The following FAM169A variants were observed in gnomAD, a reference collection of about 807,000 sequenced individuals.
The protein encoded by FAM169A is family with sequence similarity 169 member A, also known as soluble lamin-associated protein of 75 kDa.
A neutral mutation model predicts 75.7 loss-of-function variants in FAM169A; 24 were observed. The ratio of observed to expected loss-of-function variants is 0.32; its 90% confidence interval spans 0.23 to 0.45. The LOEUF is 0.45. Ranked by LOEUF, FAM169A falls within the 20% of genes least tolerant of loss-of-function variation. FAM169A has a pLI of 1.00. For missense variants in FAM169A, 673 were observed against 784.0 expected, an observed-to-expected ratio of 0.86 and a Z score of 1.69; for synonymous variants, 271 against 271.0, an observed-to-expected ratio of 1.00 and a Z score of 0.00.
chr5:74,813,391 A>T (rs1224124241), intron 6 of FAM169A, among the ~76,000 whole-genome samples: 1 of 151,856 alleles, frequency 6.6e-6, no homozygotes, highest in Non-Finnish European at 1.5e-5. Flanking sequence ...CAGTGGCATG[A>T]TCTTGGCTCA....
chr5:74,778,786 CCCTT>C lies in FAM169A; in HGVS notation c.*2670_*2673del, dbSNP rs774984740. The C allele has an allele frequency of 2.0e-5, 3 of 152,030 alleles. No individual in the cohort carries two copies. Among genetic ancestry groups the C allele is most frequent in the Non-Finnish European group, 2.9e-5 (2 of 67,904 alleles). The allele number at this position is 152,030 out of a possible 1,614,324, so 9.4% of individuals were successfully genotyped here. On this transcript the variant is annotated 3_prime_UTR_variant, in exon 13 of 13. Transcript: ENST00000687041. ...CACGTATGTACATAAAAAGTGAACTCCCTTCACAAATAAGTTCACAAAGGACTAT... is the reference window on the plus strand; with the variant it reads ...CACGTATGTACATAAAAAGTGAACTCCACAAATAAGTTCACAAAGGACTAT...
At chr5:74,832,383 A>G (rs1049166326) in intron 5 of FAM169A, among the ~76,000 whole-genome samples, 2 of 151,914 alleles carry the variant, frequency 1.3e-5, no homozygotes, top group African/African-American at 4.8e-5. Context: ...TTGTACTGTA[A>G]GAGAATTTGA....
At chr5:74,821,890 C>T (rs1028382426) in intron 5 of FAM169A, among the ~76,000 whole-genome samples, 1 of 152,220 alleles carries the variant, frequency 6.6e-6, no homozygotes, top group African/African-American at 2.4e-5. Flanking sequence ...GGCCTCACTC[C>T]TACAGTGGGA....
At chr5:74,859,581 C>T (rs1749929522) in intron 1 of FAM169A, among the ~76,000 whole-genome samples, 2 of 152,130 alleles carry the variant, frequency 1.3e-5, no homozygotes, top group Non-Finnish European at 2.9e-5. Flanking sequence ...AGCCACCACG[C>T]CCGGCGAAGG....
chr5:74,781,409 A>G lies in FAM169A; in HGVS notation c.*51T>C. 1 of 1,534,132 alleles carries G rather than the reference A, an allele frequency of 6.5e-7. No homozygotes were observed. The highest frequency in any genetic ancestry group is 1.2e-5 in the South Asian group (1 of 82,210). On this transcript the variant is annotated 3_prime_UTR_variant, in exon 13 of 13. Coordinates refer to ENST00000687041, the MANE Select transcript of FAM169A (RefSeq NM_001376049.1). ...GTTTATTAATTACCATATTTTAAAA[A>G]CAACAACTATGTTACAAAGAAGAGG... is the stretch of plus-strand genomic sequence containing the variant.
chr5:74,852,983 A>G (rs1381958256), intron 1 of FAM169A, among the ~76,000 whole-genome samples: 1 of 152,220 alleles, frequency 6.6e-6, no homozygotes, highest in African/African-American at 2.4e-5. Flanking sequence ...ATAACAATAC[A>G]TAATACATAA....
At position 74,799,007 on chromosome 5, in the gene FAM169A, A is replaced by G. The variant is rs995454319; in HGVS notation, c.1103+1873T>C. The G allele has an allele frequency of 6.7e-6, 8 of 1,190,338 alleles. No homozygotes were observed. In the African/African-American group the frequency reaches 1.2e-4, roughly 18 times the overall value. 73.7% of individuals were successfully genotyped at this position (1,190,338 alleles called of 1,614,324 possible). A position where few individuals can be genotyped will look rare whatever the true frequency, so the allele number is the denominator to read the frequency against. On this transcript the variant is annotated intron_variant, in intron 10 of 12. Coordinates refer to ENST00000687041, the MANE Select transcript of FAM169A (RefSeq NM_001376049.1). ...ACACTAAGAATAATGTCACTGCATCAGTTTTTACTAGAGCCAATCAACTGT... is the reference window on the plus strand; with the variant it reads ...ACACTAAGAATAATGTCACTGCATCGGTTTTTACTAGAGCCAATCAACTGT...
chr5:74,802,598 C>T (rs955089314), intron 8 of FAM169A, among the ~76,000 whole-genome samples: 1 of 152,052 alleles, frequency 6.6e-6, no homozygotes, highest in African/African-American at 2.4e-5. Flanking sequence ...CAATTACTTG[C>T]TATAATAAAG....
At chr5:74,817,019 C>T (rs971217433) in intron 5 of FAM169A, among the ~76,000 whole-genome samples, 1 of 151,946 alleles carries the variant, frequency 6.6e-6, no homozygotes, top group Admixed American at 6.5e-5. Flanking sequence ...TGACAAAACC[C>T]AACCTTTCAT....
At chr5:74,848,924 A>C (rs1749301008) in intron 1 of FAM169A, 1 of 152,128 alleles carries the variant, frequency 6.6e-6, no homozygotes, top group African/African-American at 2.4e-5. Flanking sequence ...TGTAACTGTA[A>C]AGCTGTCAGA....
At chr5:74,811,407 T>C (rs903168423) in intron 6 of FAM169A, among the ~76,000 whole-genome samples, 1 of 152,136 alleles carries the variant, frequency 6.6e-6, no homozygotes, top group African/African-American at 2.4e-5. Context: ...AGTAAAGCAG[T>C]AATTAGGGGG....
chr5:74,811,758 A>C (rs1430663430), intron 6 of FAM169A, among the ~76,000 whole-genome samples: 2 of 152,264 alleles, frequency 1.3e-5, no homozygotes, highest in Middle Eastern at 3.2e-3. Flanking sequence ...TCACCAAGTG[A>C]TATGTCCATA....
rs939172050 is a variant in FAM169A at position 74,806,041 on chromosome 5, C to G, written c.671-757G>C. Among the ~76,000 whole-genome samples the G allele has an allele frequency of 1.1e-4, 16 of 146,098 alleles. No individual in the cohort carries two copies. In the South Asian group the frequency reaches 2.6e-3, roughly 23 times the overall value. ...TGAAGAAGAAAAATAAGGATAGAGA[C>G]TTGTCCAAGTAGATACCAAGTATTT... On this transcript the variant is annotated intron_variant, in intron 6 of 12. Coordinates refer to ENST00000687041, the MANE Select transcript of FAM169A (RefSeq NM_001376049.1).
At chr5:74,862,410 C>T (rs754199571) in intron 1 of FAM169A, among the ~76,000 whole-genome samples, 3 of 152,206 alleles carry the variant, frequency 2.0e-5, no homozygotes, top group South Asian at 2.1e-4. Context: ...GACTGTCTCT[C>T]GTCATATCCC....
chr5:74,866,540 G>A, upstream of FAM169A: 1 of 541,770 alleles, frequency 1.8e-6, no homozygotes, highest in Non-Finnish European at 2.4e-6. Context: ...CCCGGCAGGT[G>A]CGGGCTTGGC....
chr5:74,807,447 T>C (rs1393746833), intron 6 of FAM169A, among the ~76,000 whole-genome samples: 1 of 152,214 alleles, frequency 6.6e-6, no homozygotes, highest in Non-Finnish European at 1.5e-5. Context: ...GAGAGTATCA[T>C]ACCACATATC....
chr5:74,778,576 A>AT lies in FAM169A; in HGVS notation c.*2883_*2884insA, dbSNP rs1173505166. ...ATTTTAAGTAGAAGACTGACGTTCTAAATCATGCTGTTTGATTTTATAAAA... is the reference window on the plus strand; with the variant it reads ...ATTTTAAGTAGAAGACTGACGTTCTATAATCATGCTGTTTGATTTTATAAAA... On this transcript the variant is annotated 3_prime_UTR_variant, in exon 13 of 13. Coordinates refer to ENST00000687041, the MANE Select transcript of FAM169A (RefSeq NM_001376049.1). The AT allele has an allele frequency of 1.4e-5, 2 of 141,754 alleles. No homozygotes were observed. Among genetic ancestry groups the AT allele is most frequent in the Non-Finnish European group, 3.0e-5 (2 of 66,938 alleles). 8.8% of individuals were successfully genotyped at this position (141,754 alleles called of 1,614,324 possible).
intron 1 of FAM169A, among the ~76,000 whole-genome samples, chr5:74,859,997 T>C (rs2112745815): frequency 6.6e-6 from 1 of 152,298 alleles, no homozygotes; most frequent in Non-Finnish European, 1.5e-5. Context: ...GATAATGATA[T>C]TAGTAGCTCA....
At chr5:74,799,747 T>C (rs1475771836) in intron 10 of FAM169A, 4 of 1,139,952 alleles carry the variant, frequency 3.5e-6, no homozygotes, top group Non-Finnish European at 4.0e-6. Flanking sequence ...CTCCTGAGTG[T>C]GTCATCTGTC....
Sources: gnomAD v4.1 joint callset for allele counts (sites outside exome capture counted in the v4.1 genomes callset) on GRCh38, gnomAD v4.1.1 for gene constraint, MANE v1.5 for transcripts, NCBI Gene and HGNC (gene_info 2026-07-23, HGNC 2026-07-21) for gene names.